The following GPHN variants were observed in gnomAD, a reference collection of about 807,000 sequenced individuals.
GPHN encodes the protein gephyrin.
A neutral mutation model predicts 95.5 loss-of-function variants in GPHN; 17 were observed. The ratio of observed to expected loss-of-function variants is 0.18; its 90% CI spans 0.12 to 0.27. The LOEUF (loss-of-function observed/expected upper bound fraction) is 0.27. Ranked by LOEUF, GPHN falls within the 10% of genes least tolerant of loss-of-function variation. GPHN has a pLI of 1.00. For missense variants in GPHN, 660 were observed against 978.1 expected (o/e 0.67, Z 4.34); for synonymous variants, 320 against 322.5 (o/e 0.99, Z 0.08).
Position 66,788,680 on chromosome 14 carries a change from G to A in GPHN, c.201+12159G>A, listed in dbSNP as rs529107419. Among the ~76,000 whole-genome samples, 11 of 151,934 alleles carry A rather than the reference G, an allele frequency of 7.2e-5. No individual in the cohort carries two copies. The South Asian group carries it at 2.3e-3, about 32-fold the overall frequency. On this transcript the variant is annotated intron_variant, in intron 3 of 22. Coordinates refer to ENST00000478722, the MANE Select transcript of GPHN (RefSeq NM_020806.5). ...GTTTTTGTTTATGTTTTTTTGAGAC[G>A]GAGTTTTGCCCTTTTGCCCAGGCTG...
At chr14:67,215,060 T>C in the GPHN span, among the ~76,000 whole-genome samples, 7 of 152,200 alleles carry the variant, frequency 4.6e-5, no homozygotes, top group Non-Finnish European at 8.8e-5. Flanking sequence ...CTTAAGGAGA[T>C]TCTGGGCTGA....
chr14:67,566,749 GAA>G, the GPHN span, among the ~76,000 whole-genome samples: 18,188 of 134,130 alleles, frequency 0.14, 1,365 homozygotes, highest in East Asian at 0.28. Flanking sequence ...ACCCTGTCTT[GAA>G]AAAAAAAAAA....
At chr14:67,518,699 C>T in the GPHN span, among the ~76,000 whole-genome samples, 3 of 152,190 alleles carry the variant, frequency 2.0e-5, no homozygotes, top group African/African-American at 7.2e-5. Context: ...TGCTCTTGTC[C>T]CCCATAAGTA....
intron 3 of GPHN, among the ~76,000 whole-genome samples, chr14:66,790,327 G>C (rs144642055): frequency 6.1e-4 from 93 of 152,256 alleles, no homozygotes; most frequent in African/African-American, 2.1e-3. Flanking sequence ...AGATCAGCCA[G>C]GAAGTACTCA....
the GPHN span, among the ~76,000 whole-genome samples, chr14:67,289,188 A>C: frequency 6.6e-6 from 1 of 151,772 alleles, no homozygotes; most frequent in African/African-American, 2.4e-5. Context: ...GGCTGGTCTC[A>C]AACTCCTGAC....
chr14:67,046,142 T>A (rs1199770946), intron 10 of GPHN, among the ~76,000 whole-genome samples: 1 of 151,642 alleles, frequency 6.6e-6, no homozygotes, highest in African/African-American at 2.4e-5. Context: ...TAAATTCTTA[T>A]TTTATTTTAT....
At chr14:67,357,884 A>G in the GPHN span, among the ~76,000 whole-genome samples, 2 of 152,340 alleles carry the variant, frequency 1.3e-5, no homozygotes, top group South Asian at 2.1e-4. Context: ...CAAAGCCCCT[A>G]TCCCTCCTGA....
At chr14:67,588,110 C>A in the GPHN span, 1 of 152,612 alleles carries the variant, frequency 6.6e-6, no homozygotes, top group African/African-American at 2.4e-5. Flanking sequence ...ACATGCTATA[C>A]CTGCTAAGAT....
intron 1 of GPHN, among the ~76,000 whole-genome samples, chr14:66,527,132 A>C (rs1464831847): frequency 1.3e-5 from 2 of 151,928 alleles, no homozygotes; most frequent in Non-Finnish European, 2.9e-5. Context: ...GTAGGCTATT[A>C]CTGCCTCAAT....
chr14:66,510,972 C>T (rs766629858), intron 1 of GPHN, among the ~76,000 whole-genome samples: 12 of 152,126 alleles, frequency 7.9e-5, no homozygotes, highest in Non-Finnish European at 1.6e-4. Context: ...AATGAAAAGG[C>T]AGCTACAGAT....
intron 8 of GPHN, among the ~76,000 whole-genome samples, chr14:66,944,833 A>G (rs2067648160): frequency 6.6e-6 from 1 of 152,252 alleles, no homozygotes; most frequent in African/African-American, 2.4e-5. Flanking sequence ...GATGCAATGC[A>G]GAGAGCATTG....
chr14:66,693,032 A>C (rs1166784736), intron 2 of GPHN, among the ~76,000 whole-genome samples: 6 of 152,010 alleles, frequency 3.9e-5, no homozygotes, highest in African/African-American at 1.2e-4. Flanking sequence ...TTTAATTCAC[A>C]TAAAATATAA....
At chr14:67,727,038 G>A in the GPHN span, 59 of 1,613,678 alleles carry the variant, frequency 3.7e-5, no homozygotes, top group Middle Eastern at 1.7e-4. Context: ...GCCCCTGCAC[G>A]GGTGGTTAAT....
chr14:66,914,304 C>T (rs1346015386), intron 5 of GPHN, among the ~76,000 whole-genome samples: 2 of 152,098 alleles, frequency 1.3e-5, no homozygotes, highest in East Asian at 3.9e-4. Flanking sequence ...TTGCCACTAA[C>T]CTTCTAATGG....
the GPHN span, among the ~76,000 whole-genome samples, chr14:67,482,860 C>G: frequency 3.3e-5 from 5 of 152,158 alleles, no homozygotes; most frequent in African/African-American, 1.2e-4. Flanking sequence ...ATACTGCAGG[C>G]CTTGATGAAG....
At chr14:67,313,379 G>C in the GPHN span, among the ~76,000 whole-genome samples, 1 of 152,190 alleles carries the variant, frequency 6.6e-6, no homozygotes, top group South Asian at 2.1e-4. Flanking sequence ...CACAAACCTA[G>C]ATGATATAGC....
rs978310126 is a variant in GPHN at position 66,640,985 on chromosome 14, C to A, written c.65-40122C>A. 5.9e-5 allele frequency among the ~76,000 whole-genome samples: 9 copies of A among 151,864 alleles called. No homozygotes were observed. The East Asian group carries it at 7.7e-4, about 13-fold the overall frequency. ...GTCAGGCTGTATAAAACAAGTAAAC[C>A]CCAATTATATGCTGCATTCAAGAGC... On this transcript the variant is annotated intron_variant, in intron 1 of 22. Transcript: ENST00000478722.
the GPHN span, chr14:67,473,199 T>C: frequency 1.6e-6 from 1 of 610,134 alleles, no homozygotes. This position sits in a 1 kb window ranked among gnomAD's most constrained non-coding sequence, Gnocchi z 6.5. Context: ...CCATGGACCC[T>C]TCCCAATGTC....
chr14:67,058,972 T>C (rs1285052647), intron 11 of GPHN, 186 bp downstream of exon 11: 2 of 538,652 alleles, frequency 3.7e-6, no homozygotes, highest in East Asian at 3.0e-5. Context: ...CTTAACAGTA[T>C]ACAGAGTAAA....
Sources: allele counts gnomAD v4.1 joint callset (sites outside exome capture counted in the v4.1 genomes callset), GRCh38; gene constraint gnomAD v4.1.1; non-coding constraint Gnocchi (gnomAD v3.1); transcripts MANE v1.5; gene names NCBI Gene and HGNC (gene_info 2026-07-23, HGNC 2026-07-21).